CENPP: variants seen among roughly 807,000 people sequenced by gnomAD.
The protein encoded by CENPP is centromere protein P.
A neutral mutation model predicts 35.6 loss-of-function variants in CENPP; 24 were observed. The observed-to-expected ratio is 0.67, with a 90% CI of 0.49 to 0.95. CENPP has a LOEUF of 0.95. Ranked by LOEUF, CENPP falls within the 40% of genes least tolerant of loss-of-function variation. The pLI is 0.00. For missense variants in CENPP, 332 were observed against 345.3 expected, an observed-to-expected ratio of 0.96 and a Z score of 0.31; for synonymous variants, 120 against 125.5, an observed-to-expected ratio of 0.96 and a Z score of 0.29.
intron 5 of CENPP, among the ~76,000 whole-genome samples, chr9:92,413,061 C>G (rs149441046): frequency 6.7e-6 from 1 of 148,332 alleles, no homozygotes; most frequent in East Asian, 2.0e-4. Context: ...CTTGGCTCAC[C>G]GCAACTTCTG....
At chr9:92,466,025 GT>G (rs1255759640) in intron 5 of CENPP, among the ~76,000 whole-genome samples, 1 of 152,042 alleles carries the variant, frequency 6.6e-6, no homozygotes, top group African/African-American at 2.4e-5. Context: ...TAGAGACAGG[GT>G]TTTACTATGT....
intron 5 of CENPP, among the ~76,000 whole-genome samples, chr9:92,446,331 T>C (rs1844551217): frequency 6.6e-6 from 1 of 152,226 alleles, no homozygotes; most frequent in African/African-American, 2.4e-5. Flanking sequence ...TTCTTTGTTA[T>C]AGCACTGGTC....
At position 92,615,725 on chromosome 9, in the gene CENPP, A is replaced by C; in HGVS notation, c.*2576A>C. 1.1e-6 allele frequency: 1 copy of C among 919,090 alleles called. No individual in the cohort carries two copies. Among genetic ancestry groups the C allele is most frequent in the East Asian group, 2.6e-5 (1 of 39,188 alleles). 56.9% of individuals were successfully genotyped at this position (919,090 alleles called of 1,614,324 possible). A position where few individuals can be genotyped will look rare whatever the true frequency, so the allele number is the denominator to read the frequency against. On this transcript the variant is annotated 3_prime_UTR_variant, in exon 8 of 8. Transcript: ENST00000375587. ...AGGCAATCCCACCTCAAAAGGGGTT[A>C]AAAGCAAAAACATTCACAACCAAAG...
intron 5 of CENPP, among the ~76,000 whole-genome samples, chr9:92,567,375 T>TATATATATATATATATATATATATAG (rs1850005949): frequency 1.2e-5 from 1 of 81,884 alleles, no homozygotes; most frequent in Non-Finnish European, 2.5e-5. Flanking sequence ...ATAAGATAGA[T>TATATATATATATATATATATATATAG]ATATATATAT....
intron 4 of CENPP, among the ~76,000 whole-genome samples, chr9:92,377,570 TTAAG>T (rs1451686510): frequency 2.6e-5 from 4 of 152,178 alleles, no homozygotes; most frequent in Admixed American, 1.3e-4. Context: ...CTTTTTCTGA[TTAAG>T]TGTTTTCTCA....
chr9:92,457,006 T>G, intron 5 of CENPP: 1 of 1,144,418 alleles, frequency 8.7e-7, no homozygotes, highest in Non-Finnish European at 1.1e-6. Context: ...TATCTTACTT[T>G]TTTGTTATGA....
intron 4 of CENPP, among the ~76,000 whole-genome samples, chr9:92,369,131 A>G (rs1460584694): frequency 2.0e-5 from 3 of 152,198 alleles, no homozygotes; most frequent in Non-Finnish European, 4.4e-5. Context: ...TGAAGAGACA[A>G]TTGCCATTAA....
intron 5 of CENPP, among the ~76,000 whole-genome samples, chr9:92,558,557 G>A (rs754283487): frequency 2.0e-5 from 3 of 152,154 alleles, no homozygotes; most frequent in Non-Finnish European, 4.4e-5. Context: ...AGGGTGCAAT[G>A]GACACCATGA....
At chr9:92,532,919 T>TA (rs1848886808) in intron 5 of CENPP, among the ~76,000 whole-genome samples, 1 of 152,036 alleles carries the variant, frequency 6.6e-6, no homozygotes, top group East Asian at 1.9e-4. Context: ...ACTTGAGAAT[T>TA]TGCGTCTGTT....
Position 92,613,199 on chromosome 9 carries a change from C to T in CENPP, c.*50C>T. 1 of 1,608,186 alleles carries T rather than the reference C, an allele frequency of 6.2e-7. No homozygotes were observed. Among genetic ancestry groups the T allele is most frequent in the Non-Finnish European group, 8.5e-7 (1 of 1,175,074 alleles). ...TGAAGATGCTGCGTGGAGGAACATG[C>T]AATTTTATTCAATATAAACATTTGC... On this transcript the variant is annotated 3_prime_UTR_variant, in exon 8 of 8. Transcript: ENST00000375587.
intron 5 of CENPP, among the ~76,000 whole-genome samples, chr9:92,532,247 AT>A (rs991052303): frequency 7.3e-5 from 11 of 150,698 alleles, no homozygotes; most frequent in Admixed American, 5.3e-4. Flanking sequence ...TTTAAAAGTA[AT>A]TTTTTTTCTC....
At chr9:92,589,000 A>T (rs915754542) in intron 5 of CENPP, among the ~76,000 whole-genome samples, 1 of 152,128 alleles carries the variant, frequency 6.6e-6, no homozygotes, top group African/African-American at 2.4e-5. Flanking sequence ...TTAATATGCA[A>T]ATGTATCATT....
In CENPP at chr9:92,397,901, A is replaced by G. The variant is rs1842955778; in HGVS notation, c.564+18042A>G. ...GAGATAAACAGAGAGAAACATTTCT[A>G]TATTTCTGTATCTCTGTATATACAA... On this transcript the variant is annotated intron_variant, in intron 5 of 7. Coordinates refer to ENST00000375587, the MANE Select transcript of CENPP (RefSeq NM_001012267.3). Among the ~76,000 whole-genome samples, 2 of 152,220 alleles carry G rather than the reference A, an allele frequency of 1.3e-5. 1 individual carries two copies. The highest frequency in any genetic ancestry group is 4.1e-4 in the South Asian group (2 of 4,838).
intron 5 of CENPP, among the ~76,000 whole-genome samples, chr9:92,542,136 C>T (rs576140646): frequency 3.9e-5 from 6 of 152,150 alleles, no homozygotes; most frequent in South Asian, 2.1e-4. Context: ...TTAGATCATC[C>T]GGTAGTTCTA....
intron 5 of CENPP, among the ~76,000 whole-genome samples, chr9:92,570,306 G>A (rs968242035): frequency 2.0e-4 from 31 of 152,184 alleles, no homozygotes; most frequent in Non-Finnish European, 3.5e-4. Context: ...GAATTTTGTT[G>A]AAGGCCTTTT....
intron 1 of CENPP, among the ~76,000 whole-genome samples, chr9:92,329,002 C>T (rs939204335): frequency 1.3e-5 from 2 of 152,146 alleles, no homozygotes; most frequent in Non-Finnish European, 2.9e-5. Flanking sequence ...CTATTAAACA[C>T]GAACTCCCTA....
intron 5 of CENPP, among the ~76,000 whole-genome samples, chr9:92,533,981 G>A (rs1849016595): frequency 6.6e-6 from 1 of 152,044 alleles, no homozygotes; most frequent in African/African-American, 2.4e-5. Flanking sequence ...TAAAAGAATG[G>A]AATGTACCTT....
chr9:92,449,706 T>G (rs981644194), intron 5 of CENPP, among the ~76,000 whole-genome samples: 1 of 151,916 alleles, frequency 6.6e-6, no homozygotes, highest in Non-Finnish European at 1.5e-5. Context: ...CTCATGATAG[T>G]AAGTGAGTTC....
chr9:92,575,735 C>T (rs1015232825), intron 5 of CENPP, among the ~76,000 whole-genome samples: 5 of 151,950 alleles, frequency 3.3e-5, no homozygotes, highest in African/African-American at 1.2e-4. Flanking sequence ...TTGCGTGAAC[C>T]TGGGAGGTGG....
Sources: allele counts gnomAD v4.1 joint callset (sites outside exome capture counted in the v4.1 genomes callset), GRCh38; gene constraint gnomAD v4.1.1; transcripts MANE v1.5; gene names NCBI Gene and HGNC (gene_info 2026-07-23, HGNC 2026-07-21).